The following SLC4A5 variants were observed in gnomAD, a reference collection of about 807,000 sequenced individuals.
SLC4A5 encodes electrogenic sodium bicarbonate cotransporter 4.
Under a neutral mutation model 120.4 loss-of-function variants are expected in SLC4A5, and 96 were observed. The ratio of observed to expected loss-of-function variants is 0.80; its 90% CI spans 0.68 to 0.94. The LOEUF (loss-of-function observed/expected upper bound fraction) is 0.94, where lower values mean the gene tolerates loss of function less well. Among genes scored for constraint, SLC4A5 ranks in the 40% least tolerant of loss-of-function variants. The pLI is 0.00. For missense variants in SLC4A5, 1,259 were observed against 1,459.5 expected, an observed-to-expected ratio of 0.86 and a Z score of 2.24; for synonymous variants, 550 against 571.1, an observed-to-expected ratio of 0.96 and a Z score of 0.53.
chr2:74,303,064 TTGTG>T (rs1018020092), intron 7 of SLC4A5, among the ~76,000 whole-genome samples: 7 of 149,752 alleles, frequency 4.7e-5, no homozygotes, highest in South Asian at 4.2e-4. Flanking sequence ...AAGTGTTTTT[TTGTG>T]TGTGTGTGGT....
rs754214827 is a variant in SLC4A5 at position 74,321,021 on chromosome 2, C to T, written c.-2-5996G>A. Among the ~76,000 whole-genome samples, 15 of 152,110 alleles carry T rather than the reference C, an allele frequency of 9.9e-5. 1 individual carries two copies. The highest frequency in any genetic ancestry group is 7.2e-4 in the Admixed American group (11 of 15,274). Reference sequence around the variant, plus strand: ...AATAGAAACAGGGTTGATATTCCACCGATACGCATTGGTATGGCTGCTATT... The same window carrying T: ...AATAGAAACAGGGTTGATATTCCACTGATACGCATTGGTATGGCTGCTATT... On this transcript the variant is annotated intron_variant, in intron 5 of 30. Coordinates refer to ENST00000394019, the Ensembl canonical transcript of SLC4A5.
intron 5 of SLC4A5, among the ~76,000 whole-genome samples, chr2:74,327,584 C>T (rs1292190205): frequency 6.6e-6 from 1 of 152,276 alleles, no homozygotes; most frequent in Admixed American, 6.5e-5. Flanking sequence ...AAACCAGGTA[C>T]CGTATCCAAA....
intron 6 of SLC4A5, among the ~76,000 whole-genome samples, chr2:74,308,992 G>C (rs1672730291): frequency 3.3e-5 from 5 of 151,132 alleles, no homozygotes. Context: ...ATGGCTCACT[G>C]AAGCTTTGAC....
intron 6 of SLC4A5, among the ~76,000 whole-genome samples, chr2:74,310,416 T>C (rs1672769258): frequency 6.6e-6 from 1 of 152,190 alleles, no homozygotes; most frequent in South Asian, 2.1e-4. Flanking sequence ...CATCATTAAG[T>C]ATGATGTTAG....
chr2:74,289,203 C>T (rs148886362), intron 7 of SLC4A5, among the ~76,000 whole-genome samples: 3 of 152,308 alleles, frequency 2.0e-5, no homozygotes, highest in Non-Finnish European at 4.4e-5. Flanking sequence ...CTTTGAATAG[C>T]ACCATAAAAC....
rs765919508 is a variant in SLC4A5, at chr2:74,241,987, G to A, written c.2118+7C>T. Reference sequence around the variant, plus strand: ...TCAAATGTCTAACATAAGAGGAAAGGACTTACCAGAGAAGCGTTGGTGTCT... The same window carrying A: ...TCAAATGTCTAACATAAGAGGAAAGAACTTACCAGAGAAGCGTTGGTGTCT... On this transcript the variant is annotated splice_region_variant and intron_variant, in intron 20 of 30. Transcript: ENST00000394019. The A allele has an allele frequency of 6.2e-7, 1 of 1,601,882 alleles. No individual in the cohort carries two copies. The highest frequency in any genetic ancestry group is 8.5e-7 in the Non-Finnish European group (1 of 1,172,020).
At chr2:74,297,382 G>T (rs982290232) in intron 7 of SLC4A5, among the ~76,000 whole-genome samples, 3 of 152,180 alleles carry the variant, frequency 2.0e-5, no homozygotes, top group African/African-American at 4.8e-5. Flanking sequence ...TTTTAGCACT[G>T]AAAGTCCTTC....
intron 25 of SLC4A5, 59 bp from the exon 26 acceptor site, chr2:74,227,937 G>T: frequency 7.5e-7 from 1 of 1,332,188 alleles, no homozygotes; most frequent in Admixed American, 2.6e-5. Flanking sequence ...TGGCCACCCT[G>T]TTCTGGATGA....
At chr2:74,303,863 T>C (rs887247844) in intron 7 of SLC4A5, among the ~76,000 whole-genome samples, 2 of 151,654 alleles carry the variant, frequency 1.3e-5, no homozygotes, top group East Asian at 1.9e-4. Context: ...TTTTTTTTTT[T>C]TTTTGAGACG....
In SLC4A5 at chr2:74,303,064, T is replaced by G. The variant is rs184166467; in HGVS notation, c.271+1425A>C. ...TGTGTGTGCATGTGGAAGTGTTTTT[T>G]TGTGTGTGTGTGGTGTGTGTCTGTG... On this transcript the variant is annotated intron_variant, in intron 7 of 30. Coordinates refer to ENST00000394019, the Ensembl canonical transcript of SLC4A5. Among the ~76,000 whole-genome samples the G allele has an allele frequency of 4.1e-3, 614 of 149,872 alleles. 1 individual carries two copies. Among genetic ancestry groups the G allele is most frequent in the South Asian group, 7.4e-3 (35 of 4,706 alleles).
chr2:74,256,033 C>A, intron 12 of SLC4A5, 101 bp from the exon 13 acceptor site: 1 of 1,328,780 alleles, frequency 7.5e-7, no homozygotes, highest in Non-Finnish European at 1.0e-6. Context: ...GAAAAAAATT[C>A]TCCCAATGTT....
chr2:74,227,718 T>A, intron 26 of SLC4A5, 92 bp downstream of exon 26: 1 of 1,280,516 alleles, frequency 7.8e-7, no homozygotes. Context: ...TTGGGGACAA[T>A]TGGGACAACT....
At chr2:74,222,801 A>ACTCAGATCCCCCTGAGTTAC in intron 29 of SLC4A5, 67 bp downstream of exon 29, 3 of 1,384,682 alleles carry the variant, frequency 2.2e-6, no homozygotes, top group Non-Finnish European at 3.1e-6. Context: ...TTACAGATGA[A>ACTCAGATCCCCCTGAGTTAC]AGTTCCTAGG....
intron 30 of SLC4A5, among the ~76,000 whole-genome samples, chr2:74,219,613 C>G (rs567196161): frequency 6.6e-6 from 1 of 152,290 alleles, no homozygotes; most frequent in South Asian, 2.1e-4. Flanking sequence ...TTCTTCATTT[C>G]TGACCCTGTC....
At chr2:74,313,037 C>T (rs1243852274) in intron 6 of SLC4A5, among the ~76,000 whole-genome samples, 6 of 150,096 alleles carry the variant, frequency 4.0e-5, no homozygotes, top group Non-Finnish European at 8.9e-5. Flanking sequence ...TTTAATCTTC[C>T]CCCTTTTTGG....
At chr2:74,317,086 G>A (rs1299204921) in intron 5 of SLC4A5, among the ~76,000 whole-genome samples, 1 of 152,176 alleles carries the variant, frequency 6.6e-6, no homozygotes, top group Non-Finnish European at 1.5e-5. Flanking sequence ...GAATATGCAT[G>A]TTTAGCCAAC....
chr2:74,235,322 C>G lies in SLC4A5; in HGVS notation c.2320-108G>C, dbSNP rs1670235948. The G allele has an allele frequency of 6.7e-6, 5 of 749,208 alleles. No homozygotes were observed. The Admixed American group carries it at 1.2e-4, about 18-fold the overall frequency. 46.4% of individuals were successfully genotyped at this position (749,208 alleles called of 1,614,324 possible). Reference sequence around the variant, plus strand: ...GAGGTGAACTATTACAGTCTGGGCTCTGAAGGCAGCAGAACTAGGCTCAAA... The same window carrying G: ...GAGGTGAACTATTACAGTCTGGGCTGTGAAGGCAGCAGAACTAGGCTCAAA... On this transcript the variant is annotated intron_variant, in intron 21 of 30. Coordinates refer to ENST00000394019, the Ensembl canonical transcript of SLC4A5.
chr2:74,308,307 T>C (rs963956475), intron 6 of SLC4A5, among the ~76,000 whole-genome samples: 2 of 152,230 alleles, frequency 1.3e-5, no homozygotes, highest in Non-Finnish European at 2.9e-5. Context: ...TGCCATACCA[T>C]CTTCCAAAGT....
intron 24 of SLC4A5, among the ~76,000 whole-genome samples, chr2:74,232,082 A>C (rs1670107927): frequency 6.6e-6 from 1 of 152,110 alleles, no homozygotes; most frequent in African/African-American, 2.4e-5. Context: ...GGAGGAATAG[A>C]GACTGAGCAG....
Sources: allele counts gnomAD v4.1 joint callset (sites outside exome capture counted in the v4.1 genomes callset), GRCh38; gene constraint gnomAD v4.1.1; transcripts MANE v1.5; gene names NCBI Gene and HGNC (gene_info 2026-07-23, HGNC 2026-07-21).